The following STIM2 variants were observed in gnomAD, a reference collection of about 807,000 sequenced individuals.
STIM2 encodes the protein stromal interaction molecule 2.
STIM2 carries 31 observed loss-of-function variants against 85.8 expected under a neutral mutation model. The ratio of observed to expected loss-of-function variants is 0.36; its 90% CI spans 0.27 to 0.49. The LOEUF (loss-of-function observed/expected upper bound fraction) is 0.49. Ranked by LOEUF, STIM2 falls within the 20% of genes least tolerant of loss-of-function variation. The pLI, the probability that STIM2 is intolerant of heterozygous loss-of-function variation, is 0.98. For missense variants in STIM2, 841 were observed against 927.6 expected (o/e 0.91, Z 1.21); for synonymous variants, 356 against 331.1 (o/e 1.08, Z -0.82).
intron 1 of STIM2, among the ~76,000 whole-genome samples, chr4:26,916,652 A>G (rs1420865117): frequency 1.3e-5 from 2 of 152,210 alleles, no homozygotes; most frequent in African/African-American, 4.8e-5. Flanking sequence ...GCCTTTTAGC[A>G]GTCTCTACCT....
intron 1 of STIM2, among the ~76,000 whole-genome samples, chr4:26,868,220 CG>C (rs1560548949): frequency 1.3e-5 from 2 of 152,180 alleles, no homozygotes; most frequent in African/African-American, 4.8e-5. Flanking sequence ...GCCTGGCAAG[CG>C]CAGTTTACTT....
intron 1 of STIM2, among the ~76,000 whole-genome samples, chr4:26,876,009 T>C (rs1052395223): frequency 6.6e-6 from 1 of 152,178 alleles, no homozygotes; most frequent in Non-Finnish European, 1.5e-5. Context: ...TAGTATATAG[T>C]ATGTACACAA....
At chr4:26,950,339 AATCTACAC>A (rs1725999807) in intron 2 of STIM2, among the ~76,000 whole-genome samples, 1 of 151,136 alleles carries the variant, frequency 6.6e-6, no homozygotes, top group South Asian at 2.1e-4. Context: ...CCTATGGTAC[AATCTACAC>A]ACTCCTGTTT....
chr4:26,965,432 C>T (rs1202664161), intron 3 of STIM2, among the ~76,000 whole-genome samples: 1 of 152,074 alleles, frequency 6.6e-6, no homozygotes, highest in Non-Finnish European at 1.5e-5. Context: ...GATTTTTGTA[C>T]TTCATACAGA....
rs749302231 is a variant in STIM2 at position 27,014,723 on chromosome 4, G to A, written c.1490-2988G>A. On this transcript the variant is annotated intron_variant, in intron 10 of 11. Coordinates refer to ENST00000467087, the MANE Select transcript of STIM2 (RefSeq NM_020860.4). ...TGTTAGGATAAAATCTTCTGTATAC[G>A]TATACATTTTTGTCTGTTCTTCTAT... 5.9e-5 allele frequency among the ~76,000 whole-genome samples: 9 copies of A among 151,862 alleles called. No individual in the cohort carries two copies. In the South Asian group the frequency reaches 1.0e-3, roughly 18 times the overall value.
intron 1 of STIM2, among the ~76,000 whole-genome samples, chr4:26,914,789 G>A (rs549478628): frequency 3.3e-4 from 50 of 152,186 alleles, no homozygotes; most frequent in Non-Finnish European, 6.6e-4. Context: ...CAAGGGGAGT[G>A]TAAATTAAAG....
intron 2 of STIM2, among the ~76,000 whole-genome samples, chr4:26,948,461 A>C (rs1021048248): frequency 2.6e-5 from 4 of 152,222 alleles, no homozygotes; most frequent in African/African-American, 9.6e-5. Context: ...AGTAGTGTTC[A>C]AAATGATGGC....
intron 1 of STIM2, among the ~76,000 whole-genome samples, chr4:26,918,561 T>A (rs1724678078): frequency 6.6e-6 from 1 of 152,144 alleles, no homozygotes; most frequent in African/African-American, 2.4e-5. Context: ...GAAATATATG[T>A]GGTTCTGATG....
chr4:26,950,320 AACTGCAT>A (rs1725998893), intron 2 of STIM2, among the ~76,000 whole-genome samples: 1 of 152,146 alleles, frequency 6.6e-6, no homozygotes, highest in Non-Finnish European at 1.5e-5. Flanking sequence ...TATGTACAAA[AACTGCAT>A]ACCTATGGTA....
intron 2 of STIM2, among the ~76,000 whole-genome samples, chr4:26,935,590 G>C (rs1450961332): frequency 1.3e-5 from 2 of 152,088 alleles, no homozygotes; most frequent in African/African-American, 4.8e-5. Context: ...GCAAATTCTT[G>C]AGCCCCACCC....
Position 26,967,578 on chromosome 4 carries a change from T to C in STIM2, c.397+9852T>C, listed in dbSNP as rs148944448. On this transcript the variant is annotated intron_variant, in intron 3 of 11. Transcript: ENST00000467087. ...GAATAATTCTTCATTTAGGTCTCAGTAATAAGAATAGATGTACTGCTGAGC... is the reference window on the plus strand; with the variant it reads ...GAATAATTCTTCATTTAGGTCTCAGCAATAAGAATAGATGTACTGCTGAGC... 2.6e-5 allele frequency among the ~76,000 whole-genome samples: 4 copies of C among 152,340 alleles called. No individual in the cohort carries two copies. In the East Asian group the frequency reaches 7.7e-4, roughly 29 times the overall value.
chr4:26,985,209 G>A (rs1727539528), intron 3 of STIM2, among the ~76,000 whole-genome samples: 1 of 152,196 alleles, frequency 6.6e-6, no homozygotes, highest in South Asian at 2.1e-4. Flanking sequence ...AGGATGAAAT[G>A]TGAAAGGCCC....
intron 1 of STIM2, among the ~76,000 whole-genome samples, chr4:26,879,801 G>C (rs1024480738): frequency 1.3e-5 from 2 of 152,178 alleles, no homozygotes; most frequent in Admixed American, 6.5e-5. Flanking sequence ...AGAGTCCTAA[G>C]AGGTATACTT....
intron 1 of STIM2, among the ~76,000 whole-genome samples, chr4:26,913,749 GTTAGA>G (rs996266866): frequency 6.6e-6 from 1 of 152,186 alleles, no homozygotes; most frequent in African/African-American, 2.4e-5. Context: ...TGAAAGTCCT[GTTAGA>G]TAAGTAATTT....
intron 1 of STIM2, among the ~76,000 whole-genome samples, chr4:26,871,921 C>G (rs528385566): frequency 3.3e-5 from 5 of 152,108 alleles, no homozygotes; most frequent in African/African-American, 2.4e-5. Context: ...GAATCCCAGT[C>G]TGACAGTGGT....
intron 2 of STIM2, among the ~76,000 whole-genome samples, chr4:26,947,139 C>T (rs1198186868): frequency 6.6e-6 from 1 of 152,106 alleles, no homozygotes; most frequent in Non-Finnish European, 1.5e-5. Flanking sequence ...TTGGACATGG[C>T]TGCAGTAGCT....
At chr4:26,862,989 T>C (rs1722275120) in intron 1 of STIM2, among the ~76,000 whole-genome samples, 2 of 152,180 alleles carry the variant, frequency 1.3e-5, no homozygotes, top group Admixed American at 1.3e-4. Context: ...TAATACATAA[T>C]TGGCTAATGC....
chr4:26,970,941 G>A (rs1726925093), intron 3 of STIM2, among the ~76,000 whole-genome samples: 1 of 152,168 alleles, frequency 6.6e-6, no homozygotes, highest in Non-Finnish European at 1.5e-5. Flanking sequence ...CGTTCTGATT[G>A]GCATGAGATG....
rs1263424642 is a variant in STIM2, at chr4:26,860,877, C to T, written c.-342C>T. On this transcript the variant is annotated 5_prime_UTR_variant, in exon 1 of 12. Transcript: ENST00000467087. ...TCCCGGTCTCGCCGCAGCAGCAGCG[C>T]GGGTGTCGTGCACCGCCTGAAGACG... The T allele has an allele frequency of 1.1e-6, 1 of 912,058 alleles. No individual in the cohort carries two copies. The highest frequency in any genetic ancestry group is 1.3e-6 in the Non-Finnish European group (1 of 748,184). 56.5% of individuals were successfully genotyped at this position (912,058 alleles called of 1,614,324 possible).
Sources: allele counts gnomAD v4.1 joint callset (sites outside exome capture counted in the v4.1 genomes callset), GRCh38; gene constraint gnomAD v4.1.1; transcripts MANE v1.5; gene names NCBI Gene and HGNC (gene_info 2026-07-23, HGNC 2026-07-21).